Variants in EIF2B3 observed in about 807,000 individuals in gnomAD.
EIF2B3 encodes eukaryotic translation initiation factor 2B subunit gamma.
In EIF2B3, 20 loss-of-function variants were observed where a neutral mutation model predicts 54.1. The observed-to-expected ratio is 0.37, with a 90% CI of 0.26 to 0.54. The LOEUF (loss-of-function observed/expected upper bound fraction) is 0.54. Among genes scored for constraint, EIF2B3 ranks in the 20% least tolerant of loss-of-function variants. The probability of loss-of-function intolerance (pLI) is 0.86; values close to 1 mark genes in which losing one functional copy is unlikely to be tolerated. For missense variants in EIF2B3, 448 were observed against 547.8 expected, an observed-to-expected ratio of 0.82 and a Z score of 1.82; for synonymous variants, 153 against 188.1, an observed-to-expected ratio of 0.81 and a Z score of 1.52.
At chr1:44,869,367 A>G (rs1209968196) in intron 10 of EIF2B3, among the ~76,000 whole-genome samples, 1 of 150,302 alleles carries the variant, frequency 6.7e-6, no homozygotes, top group South Asian at 2.1e-4. Flanking sequence ...AATCCCAACT[A>G]CTCGGGAGTT....
intron 3 of EIF2B3, among the ~76,000 whole-genome samples, chr1:44,942,406 TATATATATATA>T (rs1217360852): frequency 1.3e-3 from 29 of 22,842 alleles, no homozygotes; most frequent in African/African-American, 3.2e-3. Flanking sequence ...TATATATATA[TATATATATATA>T]TTTTTTTTTT....
At chr1:44,859,835 C>T (rs1349981615) in intron 10 of EIF2B3, among the ~76,000 whole-genome samples, 7 of 151,814 alleles carry the variant, frequency 4.6e-5, no homozygotes, top group South Asian at 2.1e-4. Context: ...CAGTTCACTG[C>T]AACCTCTGTC....
chr1:44,881,723 G>C lies in EIF2B3; in HGVS notation c.673C>G (p.Arg225Gly). Reference sequence around the variant, plus strand: ...ACTAAATATGGAATCAGTTCACTCCGGATAGAAGTTATTGACCTAGAAAGA... The same window carrying C: ...ACTAAATATGGAATCAGTTCACTCCCGATAGAAGTTATTGACCTAGAAAGA... ...LMENGSITSI[R>G]SELIPYLVRK... Residue 225 changes from arginine (R) to glycine (G), a missense_variant, in exon 7 of 12, where the codon CGG becomes GGG. Coordinates refer to ENST00000360403, the MANE Select transcript of EIF2B3 (RefSeq NM_020365.5). This position sits in a 1 kb window ranked among gnomAD's most constrained non-coding sequence, Gnocchi z 4.0. 1 of 1,614,066 alleles carries C rather than the reference G, an allele frequency of 6.2e-7. No individual in the cohort carries two copies. Among genetic ancestry groups the C allele is most frequent in the Non-Finnish European group, 8.5e-7 (1 of 1,179,960 alleles).
At chr1:44,890,088 T>C (rs752731377) in intron 6 of EIF2B3, among the ~76,000 whole-genome samples, 1 of 152,238 alleles carries the variant, frequency 6.6e-6, no homozygotes, top group Non-Finnish European at 1.5e-5. Flanking sequence ...CTAGAAGTTA[T>C]GGAAATGTTC....
At chr1:44,966,743 T>C (rs1301866472) in intron 3 of EIF2B3, among the ~76,000 whole-genome samples, 1 of 152,172 alleles carries the variant, frequency 6.6e-6, no homozygotes, top group East Asian at 1.9e-4. Context: ...TCAAAAAAGA[T>C]AATAAAGATT....
chr1:44,948,936 C>T (rs1407832500), intron 3 of EIF2B3, among the ~76,000 whole-genome samples: 5 of 152,054 alleles, frequency 3.3e-5, no homozygotes, highest in Non-Finnish European at 2.9e-5. Flanking sequence ...GGCACGATCA[C>T]GGCTCACTGC....
chr1:44,854,607 G>C (rs1006435777), intron 11 of EIF2B3, among the ~76,000 whole-genome samples: 1 of 139,976 alleles, frequency 7.1e-6, no homozygotes, highest in Non-Finnish European at 1.5e-5. Context: ...TTTTTTTTGA[G>C]ATGGAGTTTC....
chr1:44,933,587 A>G (rs1198710753), intron 4 of EIF2B3, among the ~76,000 whole-genome samples: 2 of 152,184 alleles, frequency 1.3e-5, no homozygotes, highest in African/African-American at 4.8e-5. Context: ...ATTATAATAT[A>G]TCTTAGATAA....
chr1:44,975,573 A>G (rs1243558386), intron 3 of EIF2B3, among the ~76,000 whole-genome samples: 4 of 152,384 alleles, frequency 2.6e-5, no homozygotes, highest in African/African-American at 7.2e-5. Flanking sequence ...ATATGGTATT[A>G]CAATCTTATG....
chr1:44,887,689 A>C (rs1655641110), intron 6 of EIF2B3, among the ~76,000 whole-genome samples: 1 of 152,200 alleles, frequency 6.6e-6, no homozygotes, highest in African/African-American at 2.4e-5. Flanking sequence ...CTGTAATCCC[A>C]GCACTTTGGG....
intron 4 of EIF2B3, among the ~76,000 whole-genome samples, chr1:44,937,883 CAAAAAAAAAAAAAAAAAAAA>C (rs34363661): frequency 2.4e-4 from 8 of 33,556 alleles, no homozygotes; most frequent in East Asian, 1.3e-3. Flanking sequence ...GACTCCGTCT[CAAAAAAAAAAAAAAAAAAAA>C]AAAAAAAAAA....
chr1:44,966,019 G>A lies in EIF2B3; in HGVS notation c.294+12296C>T, dbSNP rs558884065. On this transcript the variant is annotated intron_variant, in intron 3 of 11. Transcript: ENST00000360403. ...GCATAGCCTCTGAAGGAAGAGAACC[G>A]GTTCAATCACTAACTCTTCCATTAA... Among the ~76,000 whole-genome samples the A allele has an allele frequency of 6.6e-5, 10 of 152,178 alleles. No homozygotes were observed. The South Asian group carries it at 1.2e-3, about 19-fold the overall frequency.
At chr1:44,957,374 T>C (rs1171592982) in intron 3 of EIF2B3, among the ~76,000 whole-genome samples, 1 of 152,136 alleles carries the variant, frequency 6.6e-6, no homozygotes, top group East Asian at 1.9e-4. Flanking sequence ...ACTTTTAAAA[T>C]TGAGAAAAAA....
At chr1:44,919,028 G>A (rs76428232) in intron 5 of EIF2B3, among the ~76,000 whole-genome samples, 1,616 of 152,200 alleles carry the variant, frequency 0.011, 33 homozygotes, top group African/African-American at 0.037. Context: ...GACTGTATCA[G>A]TGACTGCATT....
At chr1:44,976,908 C>A (rs951912544) in intron 3 of EIF2B3, among the ~76,000 whole-genome samples, 1 of 152,066 alleles carries the variant, frequency 6.6e-6, no homozygotes, top group African/African-American at 2.4e-5. Context: ...GAAAGAAGCA[C>A]AAAGGAACTT....
intron 6 of EIF2B3, among the ~76,000 whole-genome samples, chr1:44,892,660 C>T (rs531108636): frequency 6.6e-6 from 1 of 152,068 alleles, no homozygotes; most frequent in Non-Finnish European, 1.5e-5. Flanking sequence ...ACTAATATTA[C>T]TAATATTTCT....
At chr1:44,860,051 G>C (rs1654560865) in intron 10 of EIF2B3, among the ~76,000 whole-genome samples, 1 of 151,940 alleles carries the variant, frequency 6.6e-6, no homozygotes, top group Non-Finnish European at 1.5e-5. Context: ...CCCCAGACTG[G>C]AGTGCGGTGG....
rs540755773 is a variant in EIF2B3, at chr1:44,911,708, TTTTG to T, written c.567-14268_567-14265del. On this transcript the variant is annotated intron_variant, in intron 5 of 11. Coordinates refer to ENST00000360403, the MANE Select transcript of EIF2B3 (RefSeq NM_020365.5). ...TTTTTTGTTTGTTTGTTTTGTTTTG[TTTTG>T]TTTTTTTATTATACTTTAAGTTTTA... is the stretch of plus-strand genomic sequence containing the variant. Among the ~76,000 whole-genome samples the T allele has an allele frequency of 5.2e-3, 797 of 152,318 alleles. 10 individuals carry two copies. The highest frequency in any genetic ancestry group is 0.018 in the African/African-American group (756 of 41,564).
chr1:44,976,154 C>A (rs1324684319), intron 3 of EIF2B3, among the ~76,000 whole-genome samples: 1 of 152,118 alleles, frequency 6.6e-6, no homozygotes, highest in East Asian at 1.9e-4. Flanking sequence ...TCAAGAGACA[C>A]CATTAAATAA....
Sources: gnomAD v4.1 joint callset for allele counts (sites outside exome capture counted in the v4.1 genomes callset) on GRCh38, gnomAD v4.1.1 for gene constraint, Gnocchi (gnomAD v3.1) non-coding constraint, MANE v1.5 for transcripts, NCBI Gene and HGNC (gene_info 2026-07-23, HGNC 2026-07-21) for gene names.